KCNG2: variants seen among roughly 807,000 people sequenced by gnomAD.
KCNG2 encodes the protein potassium voltage-gated channel modifier subfamily G member 2, also known as voltage-gated potassium channel regulatory subunit KCNG2.
A neutral mutation model predicts 12.3 loss-of-function variants in KCNG2; 7 were observed. The observed-to-expected ratio is 0.57, with a 90% confidence interval of 0.32 to 1.07. The LOEUF (loss-of-function observed/expected upper bound fraction) is 1.07. Among genes scored for constraint, KCNG2 ranks in the 50% least tolerant of loss-of-function variants. The pLI is 0.04. For synonymous variants in KCNG2, 414 were observed against 351.4 expected (o/e 1.18, Z -1.99); for missense variants, 703 against 726.0 (o/e 0.97, Z 0.36).
At chr18:79,875,624 G>A (rs948394648) in intron 3 of KCNG2, among the ~76,000 whole-genome samples, 4 of 152,128 alleles carry the variant, frequency 2.6e-5, no homozygotes, top group Non-Finnish European at 5.9e-5. Context: ...AGACCTTCCC[G>A]CCCTACACGG....
chr18:79,830,736 C>A (rs668176), intron 1 of KCNG2, among the ~76,000 whole-genome samples: 4 of 122,172 alleles, frequency 3.3e-5, no homozygotes, highest in East Asian at 5.1e-4. Flanking sequence ...ACAGAGCCTT[C>A]GTCAGGAGGG....
At chr18:79,798,629 C>G (rs1434188537) in intron 1 of KCNG2, among the ~76,000 whole-genome samples, 2 of 152,242 alleles carry the variant, frequency 1.3e-5, no homozygotes, top group Non-Finnish European at 2.9e-5. Context: ...GGGCGCGGCC[C>G]GAATTGGGGG....
At chr18:79,814,854 C>T (rs1435866681) in intron 1 of KCNG2, among the ~76,000 whole-genome samples, 4 of 150,286 alleles carry the variant, frequency 2.7e-5, no homozygotes, top group Non-Finnish European at 4.4e-5. Context: ...CTGTGGGGAG[C>T]GGATTTGTTT....
intron 1 of KCNG2, among the ~76,000 whole-genome samples, chr18:79,850,761 G>A (rs553023172): frequency 5.9e-5 from 9 of 152,294 alleles, no homozygotes; most frequent in South Asian, 2.1e-4. Context: ...GTTACTAAGC[G>A]TACAGGCTTC....
Position 79,863,827 on chromosome 18 carries a change from G to C in KCNG2, c.160G>C (p.Asp54His). 1 of 1,410,064 alleles carries C rather than the reference G, an allele frequency of 7.1e-7. No homozygotes were observed. The highest frequency in any genetic ancestry group is 9.3e-7 in the Non-Finnish European group (1 of 1,076,260). The allele number at this position is 1,410,064 out of a possible 1,614,324, so 87.3% of individuals were successfully genotyped here. ...CCTGCGCGCCTGCCGCGGCCACGAC[G>C]ACCTGCTGCGCGTGTGTGACGACTA... The part of the protein sequence containing the change: ...ERLRACRGHD[D>H]LLRVCDDYDV... The change falls in exon 3 of 4, where the codon GAC becomes CAC. Residue 54 changes from aspartate to histidine, a missense_variant. By Grantham distance (81) the Asp-to-His change is moderately conservative. Transcript: ENST00000316249.
intron 1 of KCNG2, among the ~76,000 whole-genome samples, chr18:79,852,144 G>T (rs1022943246): frequency 2.0e-5 from 3 of 152,106 alleles, no homozygotes; most frequent in Non-Finnish European, 4.4e-5. Context: ...GAATTGGGGG[G>T]ATGGCAAGCG....
intron 3 of KCNG2, among the ~76,000 whole-genome samples, chr18:79,876,510 C>G (rs991554120): frequency 6.6e-6 from 1 of 152,222 alleles, no homozygotes; most frequent in Non-Finnish European, 1.5e-5. Context: ...GGTGCTGAGC[C>G]GTTGTTCGAC....
In KCNG2 at chr18:79,899,686, G is replaced by A; in HGVS notation, c.1271G>A (p.Ser424Asn). 6.2e-7 allele frequency: 1 copy of A among 1,607,664 alleles called. No homozygotes were observed. Among genetic ancestry groups the A allele is most frequent in the Non-Finnish European group, 8.5e-7 (1 of 1,178,108 alleles). Residue 424 changes from serine to asparagine, a missense_variant, in exon 4 of 4, where the codon AGC becomes AAC. By Grantham distance (46) the Ser-to-Asn change is conservative. Transcript: ENST00000316249. The stretch of plus-strand genomic sequence containing the variant: ...AAGGAGCAGCAGCAGCGCGCGGCCA[G>A]CCCCGAGCCGGCCCTGCAGGAGGAC... ...ELKEQQQRAA[S>N]PEPALQEDST... is the part of the protein sequence containing the mutation.
chr18:79,874,897 T>TGTG (rs1980007347), intron 3 of KCNG2, among the ~76,000 whole-genome samples: 1 of 152,136 alleles, frequency 6.6e-6, no homozygotes, highest in Admixed American at 6.5e-5. Flanking sequence ...CATTCCTTCC[T>TGTG]GTGGTAGGAG....
Position 79,798,182 on chromosome 18 carries a change from T to C in KCNG2, c.-115+168T>C, listed in dbSNP as rs1464953869. ...GGGCGCGGGAGGGTCGAAGGGGACC[T>C]TGGAATCCCCCTGTTCGGGCCAAGG... On this transcript the variant is annotated intron_variant, in intron 1 of 3. Transcript: ENST00000316249. Among the ~76,000 whole-genome samples, 4 of 143,214 alleles carry C rather than the reference T, an allele frequency of 2.8e-5. No individual in the cohort carries two copies. The East Asian group carries it at 8.7e-4, about 31-fold the overall frequency. 94.0% of individuals were successfully genotyped at this position (143,214 alleles called of 152,430 possible).
intron 1 of KCNG2, among the ~76,000 whole-genome samples, chr18:79,814,519 C>T (rs531500879): frequency 1.1e-4 from 17 of 152,286 alleles, no homozygotes; most frequent in South Asian, 1.0e-3. Context: ...TCCATTTGCA[C>T]GGCATTCTTG....
At chr18:79,846,882 G>A (rs1978647011) in intron 1 of KCNG2, among the ~76,000 whole-genome samples, 1 of 152,156 alleles carries the variant, frequency 6.6e-6, no homozygotes, top group Non-Finnish European at 1.5e-5. Flanking sequence ...CTGGATGAAG[G>A]CCCCACTGAG....
chr18:79,882,136 G>A (rs1980320791), intron 3 of KCNG2, among the ~76,000 whole-genome samples: 1 of 152,240 alleles, frequency 6.6e-6, no homozygotes, highest in South Asian at 2.1e-4. Flanking sequence ...TGCCAATGGA[G>A]AGTAAGGAAG....
chr18:79,861,130 T>A (rs892737872), intron 2 of KCNG2, among the ~76,000 whole-genome samples: 2 of 152,220 alleles, frequency 1.3e-5, no homozygotes, highest in Admixed American at 1.3e-4. Flanking sequence ...ATTTTGTGTA[T>A]TGTGCCACCC....
At chr18:79,861,837 GCTC>G (rs1979233212) in intron 2 of KCNG2, among the ~76,000 whole-genome samples, 1 of 152,032 alleles carries the variant, frequency 6.6e-6, no homozygotes, top group African/African-American at 2.4e-5. Context: ...TTTTCTTTCT[GCTC>G]CTCAGATAGG....
intron 1 of KCNG2, among the ~76,000 whole-genome samples, chr18:79,833,162 GTC>G (rs899606523): frequency 2.0e-5 from 3 of 151,916 alleles, no homozygotes; most frequent in Admixed American, 1.3e-4. Flanking sequence ...TTGAGATGGT[GTC>G]TCACTCTGTA....
intron 1 of KCNG2, among the ~76,000 whole-genome samples, chr18:79,809,271 G>A (rs1310733424): frequency 6.5e-5 from 4 of 61,820 alleles, no homozygotes; most frequent in East Asian, 6.0e-4. Flanking sequence ...GCGCTCTGAG[G>A]AGCTGCCGGG....
intron 1 of KCNG2, among the ~76,000 whole-genome samples, chr18:79,814,066 A>G (rs1330372860): frequency 6.6e-6 from 1 of 152,238 alleles, no homozygotes; most frequent in Non-Finnish European, 1.5e-5. Context: ...CTACACATCT[A>G]CCAGAGTGGC....
chr18:79,865,951 G>T (rs1161387295), intron 3 of KCNG2, among the ~76,000 whole-genome samples: 3 of 133,536 alleles, frequency 2.2e-5, no homozygotes, highest in Non-Finnish European at 4.9e-5. Flanking sequence ...GATGCTGAGA[G>T]GTCTGTGTGC....
Sources: allele counts gnomAD v4.1 joint callset (sites outside exome capture counted in the v4.1 genomes callset), GRCh38; gene constraint gnomAD v4.1.1; transcripts MANE v1.5; gene names NCBI Gene and HGNC (gene_info 2026-07-23, HGNC 2026-07-21).